Variants in JAK2 observed in about 807,000 individuals in gnomAD.
JAK2 encodes tyrosine-protein kinase JAK2.
In JAK2, 86 loss-of-function variants were observed where a neutral mutation model predicts 139.3. The ratio of observed to expected loss-of-function variants is 0.62; its 90% CI spans 0.52 to 0.74. The LOEUF is 0.74. Ranked by LOEUF, JAK2 falls within the 30% of genes least tolerant of loss-of-function variation. The probability of loss-of-function intolerance (pLI) is 0.00; values close to 1 mark genes in which losing one functional copy is unlikely to be tolerated. For synonymous variants in JAK2, 490 were observed against 437.7 expected (o/e 1.12, Z -1.49); for missense variants, 1,421 against 1,360.3 (o/e 1.04, Z -0.70).
intron 4 of JAK2, among the ~76,000 whole-genome samples, chr9:5,030,944 T>C (rs746290181): frequency 5.9e-5 from 9 of 152,146 alleles, no homozygotes; most frequent in East Asian, 1.9e-4. Context: ...AGCATTCTTA[T>C]ATGCAAGCAA....
At position 5,127,718 on chromosome 9, in the gene JAK2, T is replaced by A. The variant is rs1824089589; in HGVS notation, c.*927T>A. The A allele has an allele frequency of 8.6e-6, 2 of 232,404 alleles. No individual in the cohort carries two copies. The highest frequency in any genetic ancestry group is 2.2e-5 in the African/African-American group (1 of 45,268). The allele number at this position is 232,404 out of a possible 1,614,324, so 14.4% of individuals were successfully genotyped here. A position where few individuals can be genotyped will look rare whatever the true frequency, so the allele number is the denominator to read the frequency against. On this transcript the variant is annotated 3_prime_UTR_variant, in exon 25 of 25. Coordinates refer to ENST00000381652, the MANE Select transcript of JAK2 (RefSeq NM_004972.4). ...TGGGATTTATGCTCATGAACTAAAT[T>A]TAAGCTTAAGCCATAAAATAGATTA...
At chr9:5,029,636 G>T (rs112209786) in intron 3 of JAK2, 147 bp from the exon 4 acceptor site, 4 of 593,996 alleles carry the variant, frequency 6.7e-6, no homozygotes, top group Non-Finnish European at 1.2e-5. Flanking sequence ...CAGTTGTAGG[G>T]GTTGGTATAT....
chr9:5,046,206 G>A (rs973781124), intron 5 of JAK2, among the ~76,000 whole-genome samples: 4 of 152,002 alleles, frequency 2.6e-5, no homozygotes, highest in African/African-American at 9.7e-5. Flanking sequence ...TTGGCTATTT[G>A]TTTATCTTCT....
rs191229511 is a variant in JAK2 at position 5,004,607 on chromosome 9, G to C, written c.-25-17356G>C. ...ATGCTGCAATGAGCATGGGAGTGTA[G>C]ATATTGCTTTGACATATTATTTTTA... is the stretch of plus-strand genomic sequence containing the variant. On this transcript the variant is annotated intron_variant, in intron 2 of 24. Coordinates refer to ENST00000381652, the MANE Select transcript of JAK2 (RefSeq NM_004972.4). Among the ~76,000 whole-genome samples the C allele has an allele frequency of 2.3e-4, 35 of 152,264 alleles. No homozygotes were observed. In the East Asian group the frequency reaches 6.6e-3, roughly 29 times the overall value.
Position 5,054,829 on chromosome 9 carries a change from G to T in JAK2, c.881G>T (p.Gly294Val), listed in dbSNP as rs2130411962. The change falls in exon 7 of 25, where the codon GGT becomes GTT. Residue 294 changes from glycine to valine, a missense_variant. By Grantham distance (109) the Gly-to-Val change is moderately radical. Coordinates refer to ENST00000381652, the MANE Select transcript of JAK2 (RefSeq NM_004972.4). This position sits in a 1 kb window ranked among gnomAD's most constrained non-coding sequence, Gnocchi z 4.9. ...IFATIIITGN[G>V]GIQWSRGKHK... ...GCAACCATTATAATAACTGGAAACGGTGGAATTCAGTGGTCAAGAGGGAAA... is the reference window on the plus strand; with the variant it reads ...GCAACCATTATAATAACTGGAAACGTTGGAATTCAGTGGTCAAGAGGGAAA... 6.2e-7 allele frequency: 1 copy of T among 1,612,042 alleles called. No homozygotes were observed. Among genetic ancestry groups the T allele is most frequent in the Non-Finnish European group, 8.5e-7 (1 of 1,179,030 alleles).
At chr9:4,999,588 A>G (rs1408657419) in intron 2 of JAK2, among the ~76,000 whole-genome samples, 6 of 152,322 alleles carry the variant, frequency 3.9e-5, no homozygotes, top group Admixed American at 3.3e-4. Context: ...AGGTCCCACA[A>G]TAGGCTGTCT....
At chr9:5,067,427 T>C (rs2130510126) in intron 10 of JAK2, among the ~76,000 whole-genome samples, 1 of 152,210 alleles carries the variant, frequency 6.6e-6, no homozygotes, top group South Asian at 2.1e-4. Context: ...GCTTGCAAAT[T>C]TATCTTGCTT....
intron 22 of JAK2, chr9:5,100,149 A>G (rs936358517): frequency 1.3e-5 from 2 of 152,144 alleles, no homozygotes; most frequent in Non-Finnish European, 2.9e-5. Context: ...TTCTAATCCT[A>G]CTGACTATTC....
At chr9:5,097,855 A>G (rs1821128804) in intron 22 of JAK2, 1 of 152,218 alleles carries the variant, frequency 6.6e-6, no homozygotes, top group South Asian at 2.1e-4. Flanking sequence ...TGGTTCCCCC[A>G]TTCTCAGGTT....
chr9:5,072,671 AG>A, intron 13 of JAK2, 45 bp downstream of exon 13: 2 of 1,459,938 alleles, frequency 1.4e-6, no homozygotes, highest in Non-Finnish European at 1.8e-6. Context: ...TGCTGTTTAA[AG>A]ATGTGCTCTC....
chr9:5,046,743 A>C (rs993793690), intron 5 of JAK2, among the ~76,000 whole-genome samples: 2 of 152,272 alleles, frequency 1.3e-5, no homozygotes, highest in Non-Finnish European at 2.9e-5. Context: ...CTGTATAGCC[A>C]TTATGAAAAG....
At chr9:5,026,546 T>G (rs1291351254) in intron 3 of JAK2, among the ~76,000 whole-genome samples, 1 of 152,180 alleles carries the variant, frequency 6.6e-6, no homozygotes. Flanking sequence ...ATAAAATACT[T>G]TTGTGTTCTG....
intron 22 of JAK2, chr9:5,111,038 C>G: frequency 2.2e-6 from 2 of 909,514 alleles, no homozygotes; most frequent in Non-Finnish European, 3.4e-6. Context: ...CTGGCCGGGG[C>G]GCAATTCAGA....
At chr9:5,022,725 A>G (rs1020645245) in intron 3 of JAK2, among the ~76,000 whole-genome samples, 5 of 152,152 alleles carry the variant, frequency 3.3e-5, no homozygotes, top group Non-Finnish European at 5.9e-5. Context: ...TATATTATCT[A>G]TGGACCAAAA....
intron 22 of JAK2, chr9:5,108,365 T>G (rs751170507): frequency 6.6e-6 from 1 of 152,148 alleles, no homozygotes; most frequent in Non-Finnish European, 1.5e-5. Flanking sequence ...CAAGCTCATA[T>G]TTCCTATTGT....
chr9:5,055,801 T>C lies in JAK2; in HGVS notation c.1056+13T>C, dbSNP rs764447515. 1.9e-6 allele frequency: 3 copies of C among 1,601,584 alleles called. No individual in the cohort carries two copies. The South Asian group carries it at 3.3e-5, about 18-fold the overall frequency. On this transcript the variant is annotated intron_variant, in intron 8 of 24. Transcript: ENST00000381652. ...TGGTAAAAATCTGGTAAGTTTGCTTTATGATTGAATAATGGTTTCATTTTA... is the reference window on the plus strand; with the variant it reads ...TGGTAAAAATCTGGTAAGTTTGCTTCATGATTGAATAATGGTTTCATTTTA...
intron 2 of JAK2, among the ~76,000 whole-genome samples, chr9:5,005,083 A>ATTTTTT (rs527982744): frequency 2.0e-4 from 8 of 40,034 alleles, no homozygotes; most frequent in South Asian, 1.0e-3. Context: ...TGCCTGGCTA[A>ATTTTTT]TTTTTTTTTT....
intron 22 of JAK2, among the ~76,000 whole-genome samples, chr9:5,122,043 G>A (rs377306807): frequency 6.6e-5 from 10 of 152,152 alleles, no homozygotes; most frequent in Non-Finnish European, 1.0e-4. Flanking sequence ...GTTTAATTAC[G>A]TAGTATGGAC....
At chr9:5,010,714 T>C (rs186296044) in intron 2 of JAK2, among the ~76,000 whole-genome samples, 19 of 152,354 alleles carry the variant, frequency 1.2e-4, no homozygotes, top group Admixed American at 7.2e-4. Flanking sequence ...TTCCTTTCTG[T>C]AAACCTGAGT....
Sources: gnomAD v4.1 joint callset for allele counts (sites outside exome capture counted in the v4.1 genomes callset) on GRCh38, gnomAD v4.1.1 for gene constraint, Gnocchi (gnomAD v3.1) non-coding constraint, MANE v1.5 for transcripts, NCBI Gene and HGNC (gene_info 2026-07-23, HGNC 2026-07-21) for gene names.